Variants in TAMM41 observed in about 807,000 individuals in gnomAD.
TAMM41 encodes the protein phosphatidate cytidylyltransferase, mitochondrial.
TAMM41 carries 36 observed loss-of-function variants against 44.1 expected under a neutral mutation model. That is an observed-to-expected ratio of 0.82 (90% CI 0.63 to 1.08). TAMM41 has a LOEUF of 1.08. Ranked by LOEUF, TAMM41 falls within the 50% of genes least tolerant of loss-of-function variation. The pLI is 0.00. For synonymous variants in TAMM41, 164 were observed against 153.1 expected (o/e 1.07, Z -0.53); for missense variants, 417 against 404.3 (o/e 1.03, Z -0.27).
chr3:11,729,858 T>C, the TAMM41 span, among the ~76,000 whole-genome samples: 1 of 152,004 alleles, frequency 6.6e-6, no homozygotes, highest in Non-Finnish European at 1.5e-5. Context: ...GACAAGGTTA[T>C]TGGGTGCCAA....
chr3:11,825,151 G>C (rs865921965), intron 4 of TAMM41, among the ~76,000 whole-genome samples: 16 of 152,312 alleles, frequency 1.1e-4, no homozygotes, highest in Middle Eastern at 3.4e-3. Flanking sequence ...ATGTGACCCA[G>C]GGCAAGCCAC....
intron 5 of TAMM41, among the ~76,000 whole-genome samples, chr3:11,813,765 C>T (rs956734635): frequency 2.7e-5 from 4 of 150,586 alleles, no homozygotes; most frequent in Non-Finnish European, 4.4e-5. Context: ...CCAGGGCCAA[C>T]AAAGTGGGAC....
the TAMM41 span, among the ~76,000 whole-genome samples, chr3:11,756,865 CA>C: frequency 4.3e-4 from 56 of 131,442 alleles, no homozygotes; most frequent in East Asian, 8.8e-4. Flanking sequence ...AATTCCGTCT[CA>C]AAAAAAAAAA....
At chr3:11,787,731 A>C (rs115215570), downstream of TAMM41, among the ~76,000 whole-genome samples, 953 of 152,312 alleles carry the variant, frequency 6.3e-3, 7 homozygotes, top group Middle Eastern at 0.01. Context: ...GAATACCTAC[A>C]TCATAGATAT....
At position 11,808,530 on chromosome 3, in the gene TAMM41, C is replaced by T. The variant is rs77730576; in HGVS notation, c.875-635G>A. On this transcript the variant is annotated intron_variant, in intron 6 of 7. Transcript: ENST00000455809. ...ATCCACTGCAGTGCGATGGTCTTTG[C>T]AAAGCATTACTGGAAATTCTATCTG... 1,984 of 985,528 alleles carry T rather than the reference C, an allele frequency of 2.0e-3. 37 individuals are homozygous for T. The African/African-American group carries it at 0.033, about 16-fold the overall frequency. 61.0% of individuals were successfully genotyped at this position (985,528 alleles called of 1,614,324 possible). A position where few individuals can be genotyped will look rare whatever the true frequency, so the allele number is the denominator to read the frequency against.
chr3:11,837,405 G>GAA (rs58759379), intron 3 of TAMM41, among the ~76,000 whole-genome samples: 3 of 141,624 alleles, frequency 2.1e-5, no homozygotes, highest in Admixed American at 7.1e-5. Context: ...TGATTATCTG[G>GAA]AAAAAAAAAA....
At chr3:11,743,422 C>T in the TAMM41 span, among the ~76,000 whole-genome samples, 1 of 151,782 alleles carries the variant, frequency 6.6e-6, no homozygotes, top group African/African-American at 2.4e-5. Flanking sequence ...CAACCTCTGC[C>T]TCCAGGGTTC....
chr3:11,748,505 A>G, the TAMM41 span, among the ~76,000 whole-genome samples: 11 of 151,972 alleles, frequency 7.2e-5, no homozygotes, highest in Middle Eastern at 6.8e-3. Flanking sequence ...CACCCTCCCA[A>G]GTAGCCGGGA....
At chr3:11,825,788 AT>A (rs879841441) in intron 4 of TAMM41, among the ~76,000 whole-genome samples, 444 of 145,456 alleles carry the variant, frequency 3.1e-3, no homozygotes, top group South Asian at 4.6e-3. Context: ...TACTCAGCTA[AT>A]TTTTTTTTTT....
chr3:11,757,925 G>C, the TAMM41 span, among the ~76,000 whole-genome samples: 1 of 152,166 alleles, frequency 6.6e-6, no homozygotes, highest in Non-Finnish European at 1.5e-5. Context: ...AGTCCAGCAG[G>C]GTAGGGGGAC....
the TAMM41 span, among the ~76,000 whole-genome samples, chr3:11,768,008 G>A: frequency 6.6e-6 from 1 of 151,088 alleles, no homozygotes; most frequent in African/African-American, 2.4e-5. Flanking sequence ...CACACCTGTG[G>A]GGGTGAATAG....
At chr3:11,790,433 C>T, downstream of TAMM41, 2 of 1,396,430 alleles carry the variant, frequency 1.4e-6, no homozygotes, top group Non-Finnish European at 1.0e-6. Context: ...GTCAAAGTAA[C>T]AAACACTGTT....
At chr3:11,791,214 C>T (rs11923019) in intron 7 of TAMM41, among the ~76,000 whole-genome samples, 2,011 of 152,248 alleles carry the variant, frequency 0.013, 42 homozygotes, top group African/African-American at 0.046. Flanking sequence ...ACCTAGGTGG[C>T]CCTGTCACCT....
At chr3:11,785,451 G>C (rs1044855892), downstream of TAMM41, among the ~76,000 whole-genome samples, 6 of 152,006 alleles carry the variant, frequency 3.9e-5, no homozygotes, top group African/African-American at 1.2e-4. Context: ...TCAGCCTCCT[G>C]AGTAGATGGG....
At chr3:11,725,333 TTTCTTCTCCTCCTCCTCCTTTTTTTTC>T in the TAMM41 span, among the ~76,000 whole-genome samples, 6 of 71,936 alleles carry the variant, frequency 8.3e-5, no homozygotes, top group South Asian at 5.2e-4. Flanking sequence ...TCCTCCTTTT[TTTCTTCTCCTCCTCCTCCTTTTTTTTC>T]TTCTTCTCCT....
chr3:11,749,575 C>G, the TAMM41 span, among the ~76,000 whole-genome samples: 2 of 152,206 alleles, frequency 1.3e-5, no homozygotes, highest in Non-Finnish European at 2.9e-5. Flanking sequence ...TCTTTCTTTC[C>G]TTATTTGTTT....
intron 1 of TAMM41, 101 bp downstream of exon 1, chr3:11,846,400 TG>T: frequency 2.3e-6 from 3 of 1,322,336 alleles, no homozygotes; most frequent in Non-Finnish European, 3.2e-6. Context: ...ACACGTGGAG[TG>T]TGCAGAGCGG....
intron 4 of TAMM41, among the ~76,000 whole-genome samples, chr3:11,824,357 ATTTTTTTTTTTT>A (rs34155955): frequency 1.9e-4 from 20 of 105,124 alleles, no homozygotes; most frequent in Non-Finnish European, 1.9e-5. Flanking sequence ...TGCCTGGCTA[ATTTTTTTTTTTT>A]TTTTTTTTTT....
At chr3:11,737,406 C>T in the TAMM41 span, among the ~76,000 whole-genome samples, 1 of 151,690 alleles carries the variant, frequency 6.6e-6, no homozygotes, top group Non-Finnish European at 1.5e-5. Flanking sequence ...CTGCATCCTC[C>T]GCCTCCCAGG....
Sources: allele counts gnomAD v4.1 joint callset (sites outside exome capture counted in the v4.1 genomes callset), GRCh38; gene constraint gnomAD v4.1.1; transcripts MANE v1.5; gene names NCBI Gene and HGNC (gene_info 2026-07-23, HGNC 2026-07-21).